Variants in LMBRD1 observed in about 807,000 individuals in gnomAD.
LMBRD1 encodes lysosomal cobalamin transport escort protein LMBD1.
Under a neutral mutation model 74.8 loss-of-function variants are expected in LMBRD1, and 64 were observed. That is an observed-to-expected ratio of 0.86 (90% CI 0.70 to 1.05). LMBRD1 has a LOEUF of 1.05. LMBRD1 is among the 50% of genes least tolerant of loss of function. The pLI is 0.00. For missense variants in LMBRD1, 652 were observed against 645.9 expected, an observed-to-expected ratio of 1.01 and a Z score of -0.10; for synonymous variants, 204 against 216.3, an observed-to-expected ratio of 0.94 and a Z score of 0.50.
Position 69,788,146 on chromosome 6 carries a change from G to A in LMBRD1, c.246+2150C>T, listed in dbSNP as rs186100126. On this transcript the variant is annotated intron_variant, in intron 2 of 15. Transcript: ENST00000649934. ...TAGAAATTTTTTTATTATATTTTAA[G>A]TTCTAGGGTACATGTGCACAATGTG... Among the ~76,000 whole-genome samples, 206 of 152,058 alleles carry A rather than the reference G, an allele frequency of 1.4e-3. 3 individuals carry two copies. Among genetic ancestry groups the A allele is most frequent in the Non-Finnish European group, 5.3e-4 (36 of 67,970 alleles).
chr6:69,734,585 G>C (rs1014667136), intron 7 of LMBRD1, among the ~76,000 whole-genome samples: 2 of 152,018 alleles, frequency 1.3e-5, no homozygotes, highest in Non-Finnish European at 2.9e-5. Flanking sequence ...CAGTAGAGAT[G>C]GGGTTTTACC....
At chr6:69,722,396 T>C (rs1256510141) in intron 7 of LMBRD1, among the ~76,000 whole-genome samples, 1 of 150,772 alleles carries the variant, frequency 6.6e-6, no homozygotes, top group Non-Finnish European at 1.5e-5. Context: ...CAAAGAATAG[T>C]ATAACACTAC....
chr6:69,723,931 C>T (rs1295474151), intron 7 of LMBRD1, among the ~76,000 whole-genome samples: 2 of 151,458 alleles, frequency 1.3e-5, no homozygotes, highest in African/African-American at 4.8e-5. Context: ...AAGAAAAAGA[C>T]AGAACCCAAA....
intron 7 of LMBRD1, among the ~76,000 whole-genome samples, chr6:69,723,601 T>A (rs1006085935): frequency 6.6e-6 from 1 of 151,844 alleles, no homozygotes; most frequent in Non-Finnish European, 1.5e-5. Flanking sequence ...AAAAAAGAAA[T>A]TGAAAGAGTT....
chr6:69,765,194 G>A (rs1043285030), intron 3 of LMBRD1, among the ~76,000 whole-genome samples: 2 of 152,050 alleles, frequency 1.3e-5, no homozygotes, highest in East Asian at 3.9e-4. Context: ...GCCTCCCCAA[G>A]TGCTGGGATT....
intron 11 of LMBRD1, 66 bp from the exon 12 acceptor site, chr6:69,700,935 T>G: frequency 2.9e-6 from 3 of 1,050,650 alleles, no homozygotes; most frequent in Non-Finnish European, 3.9e-6. Context: ...TCATATAAAA[T>G]AAGCTAAAAA....
At chr6:69,789,489 T>C (rs995008408) in intron 2 of LMBRD1, among the ~76,000 whole-genome samples, 5 of 152,078 alleles carry the variant, frequency 3.3e-5, no homozygotes, top group South Asian at 2.1e-4. Flanking sequence ...ATCATGCCAC[T>C]GTACTCCAGC....
At chr6:69,705,697 C>CT (rs1265287476) in intron 9 of LMBRD1, 5 of 1,031,468 alleles carry the variant, frequency 4.8e-6, no homozygotes, top group Non-Finnish European at 7.5e-6. Flanking sequence ...GCAAGTTTTA[C>CT]TTTTTTCTGT....
intron 3 of LMBRD1, among the ~76,000 whole-genome samples, chr6:69,766,961 T>C (rs961059936): frequency 1.3e-5 from 2 of 151,794 alleles, no homozygotes; most frequent in Non-Finnish European, 3.0e-5. Context: ...GAAAATTGTC[T>C]AGGAATTTAT....
At chr6:69,690,104 T>G (rs1246527768) in intron 14 of LMBRD1, among the ~76,000 whole-genome samples, 1 of 152,036 alleles carries the variant, frequency 6.6e-6, no homozygotes, top group Non-Finnish European at 1.5e-5. Context: ...TGCCAATATT[T>G]TGAGCTGATC....
At chr6:69,705,759 A>G in intron 9 of LMBRD1, 1 of 1,212,870 alleles carries the variant, frequency 8.2e-7, no homozygotes, top group Non-Finnish European at 1.2e-6. Flanking sequence ...TATACTTAAG[A>G]GTTTCACATC....
intron 9 of LMBRD1, among the ~76,000 whole-genome samples, chr6:69,703,086 G>T (rs1225778387): frequency 6.6e-6 from 1 of 152,046 alleles, no homozygotes; most frequent in Non-Finnish European, 1.5e-5. Flanking sequence ...CTTGAAAAGA[G>T]AGTGATATTG....
At chr6:69,761,359 G>A (rs940818796) in intron 3 of LMBRD1, among the ~76,000 whole-genome samples, 2 of 151,946 alleles carry the variant, frequency 1.3e-5, no homozygotes, top group Non-Finnish European at 2.9e-5. Context: ...CAGACAAAAG[G>A]CTAAATAATT....
At chr6:69,700,701 T>A in intron 12 of LMBRD1, 64 bp downstream of exon 12, 1 of 1,107,610 alleles carries the variant, frequency 9.0e-7, no homozygotes, top group Non-Finnish European at 1.2e-6. Context: ...TCTAAGATAA[T>A]TTGTAATTAT....
At chr6:69,708,319 T>C (rs1384417646) in intron 9 of LMBRD1, among the ~76,000 whole-genome samples, 1 of 152,214 alleles carries the variant, frequency 6.6e-6, no homozygotes, top group African/African-American at 2.4e-5. Flanking sequence ...TTCATTTCCA[T>C]GGTAGGATTT....
intron 9 of LMBRD1, among the ~76,000 whole-genome samples, chr6:69,706,989 T>C (rs866785007): frequency 4.6e-5 from 7 of 152,062 alleles, no homozygotes; most frequent in African/African-American, 1.7e-4. Context: ...AAACCAAGAG[T>C]AGGGCTATGT....
chr6:69,719,189 A>G (rs1314343415), intron 7 of LMBRD1, 108 bp from the exon 8 acceptor site: 1 of 985,082 alleles, frequency 1.0e-6, no homozygotes, highest in Admixed American at 2.0e-5. Flanking sequence ...CAGTTGTGAA[A>G]GAGTACAGTC....
chr6:69,730,199 A>C (rs548183886), intron 7 of LMBRD1, among the ~76,000 whole-genome samples: 1 of 152,226 alleles, frequency 6.6e-6, no homozygotes, highest in Non-Finnish European at 1.5e-5. Context: ...TACAAACTAC[A>C]TTCCTAATAA....
At chr6:69,705,647 A>G in intron 9 of LMBRD1, 1 of 883,336 alleles carries the variant, frequency 1.1e-6, no homozygotes. Flanking sequence ...CATTATCACC[A>G]TCTTCATCAT....
Sources: gnomAD v4.1 joint callset for allele counts (sites outside exome capture counted in the v4.1 genomes callset) on GRCh38, gnomAD v4.1.1 for gene constraint, MANE v1.5 for transcripts, NCBI Gene and HGNC (gene_info 2026-07-23, HGNC 2026-07-21) for gene names.